Variants in ZFAND3 observed in about 807,000 individuals in gnomAD.
ZFAND3 encodes the protein zinc finger AN1-type containing 3, also known as AN1-type zinc finger protein 3.
Under a neutral mutation model 29.6 loss-of-function variants are expected in ZFAND3, and 10 were observed. That is an observed-to-expected ratio of 0.34 (90% CI 0.21 to 0.57). The LOEUF is 0.57. Ranked by LOEUF, ZFAND3 falls within the 20% of genes least tolerant of loss-of-function variation. The pLI is 0.86. For missense variants in ZFAND3, 230 were observed against 304.5 expected, an observed-to-expected ratio of 0.76 and a Z score of 1.82; for synonymous variants, 128 against 112.6, an observed-to-expected ratio of 1.14 and a Z score of -0.87.
chr6:37,893,743 G>A (rs1481911086), intron 1 of ZFAND3, among the ~76,000 whole-genome samples: 1 of 152,004 alleles, frequency 6.6e-6, no homozygotes, highest in Non-Finnish European at 1.5e-5. Context: ...TAGTAGAGAC[G>A]TGGTTTTACC....
At chr6:38,013,829 A>G (rs933632502) in intron 2 of ZFAND3, among the ~76,000 whole-genome samples, 2 of 152,214 alleles carry the variant, frequency 1.3e-5, no homozygotes, top group South Asian at 2.1e-4. Flanking sequence ...TTTAAAAAAG[A>G]CACCCCATGT....
chr6:37,942,232 C>G (rs1452891249), intron 2 of ZFAND3, among the ~76,000 whole-genome samples: 1 of 151,858 alleles, frequency 6.6e-6, no homozygotes, highest in Non-Finnish European at 1.5e-5. Flanking sequence ...AACCCTTTGA[C>G]TCACAAAGAA....
At chr6:37,965,143 A>C (rs748363726) in intron 2 of ZFAND3, among the ~76,000 whole-genome samples, 17 of 152,224 alleles carry the variant, frequency 1.1e-4, no homozygotes, top group Non-Finnish European at 1.8e-4. Context: ...AATTGTAAAG[A>C]CATAAAATAT....
At chr6:38,002,135 T>A (rs1473688840) in intron 2 of ZFAND3, among the ~76,000 whole-genome samples, 2 of 152,240 alleles carry the variant, frequency 1.3e-5, no homozygotes, top group East Asian at 3.9e-4. Flanking sequence ...ATACTATAAA[T>A]ATTCATGCGT....
intron 2 of ZFAND3, among the ~76,000 whole-genome samples, chr6:38,043,521 T>C (rs982779526): frequency 1.4e-5 from 2 of 147,792 alleles, no homozygotes; most frequent in South Asian, 2.3e-4. Context: ...CCTCCCTCTC[T>C]CCTTTTCTCC....
At chr6:38,054,878 G>A (rs1029859468) in intron 2 of ZFAND3, among the ~76,000 whole-genome samples, 2 of 152,166 alleles carry the variant, frequency 1.3e-5, no homozygotes, top group African/African-American at 2.4e-5. Context: ...TAATCAGAAG[G>A]CTAGAAGTCT....
At chr6:37,853,019 A>T (rs142248438) in intron 1 of ZFAND3, among the ~76,000 whole-genome samples, 4 of 152,334 alleles carry the variant, frequency 2.6e-5, no homozygotes, top group African/African-American at 9.6e-5. Context: ...AGAAGGTAAG[A>T]ATTGTGAAAA....
intron 1 of ZFAND3, among the ~76,000 whole-genome samples, chr6:37,924,493 C>T (rs1380501466): frequency 6.6e-6 from 1 of 151,794 alleles, no homozygotes; most frequent in African/African-American, 2.4e-5. Flanking sequence ...GGTGAGATAT[C>T]AAAGAATGAT....
rs16890181 is a variant in ZFAND3, at chr6:37,826,332, C to T, written c.71+6316C>T. Among the ~76,000 whole-genome samples, 2,223 of 152,252 alleles carry T rather than the reference C, an allele frequency of 0.015. 250 individuals carry two copies. The East Asian group carries it at 0.28, about 19-fold the overall frequency. ...ATGTTACTCAATTTTTCTAGGGTTT[C>T]TGAGGAACAGCGATCCTGCTCTGGG... On this transcript the variant is annotated intron_variant, in intron 1 of 5. Coordinates refer to ENST00000287218, the MANE Select transcript of ZFAND3 (RefSeq NM_021943.3).
intron 1 of ZFAND3, among the ~76,000 whole-genome samples, chr6:37,875,155 T>G (rs1173306215): frequency 6.6e-6 from 1 of 152,224 alleles, no homozygotes. Context: ...CTCAGACATT[T>G]AGAATTCAGG....
At chr6:37,881,302 T>C (rs1271284504) in intron 1 of ZFAND3, among the ~76,000 whole-genome samples, 2 of 152,200 alleles carry the variant, frequency 1.3e-5, no homozygotes, top group Admixed American at 1.3e-4. Context: ...ACCAGCCTGG[T>C]CTCGAACTCC....
intron 1 of ZFAND3, among the ~76,000 whole-genome samples, chr6:37,892,888 G>A (rs942555316): frequency 2.0e-5 from 3 of 152,124 alleles, no homozygotes; most frequent in Admixed American, 1.3e-4. Context: ...CTGAACTTCT[G>A]AAACAGACTC....
chr6:37,909,004 T>C (rs1021688147), intron 1 of ZFAND3, among the ~76,000 whole-genome samples: 4 of 152,172 alleles, frequency 2.6e-5, no homozygotes, highest in African/African-American at 9.6e-5. Context: ...CTTAGGTTTC[T>C]GTACTTGGGT....
At chr6:37,847,314 G>T (rs547541735) in intron 1 of ZFAND3, among the ~76,000 whole-genome samples, 12 of 152,012 alleles carry the variant, frequency 7.9e-5, no homozygotes, top group Non-Finnish European at 1.2e-4. Flanking sequence ...GGTTGCTCCC[G>T]CCTGTAATCC....
At chr6:37,936,706 A>C (rs1761704670) in intron 2 of ZFAND3, among the ~76,000 whole-genome samples, 1 of 152,234 alleles carries the variant, frequency 6.6e-6, no homozygotes, top group South Asian at 2.1e-4. Flanking sequence ...GGAGCTTTAA[A>C]TTTTAATTTT....
intron 2 of ZFAND3, among the ~76,000 whole-genome samples, chr6:38,036,317 C>T (rs576651028): frequency 5.3e-5 from 8 of 152,236 alleles, no homozygotes; most frequent in Non-Finnish European, 8.8e-5. Flanking sequence ...CTGCATACTG[C>T]AGGGTAAATA....
intron 4 of ZFAND3, among the ~76,000 whole-genome samples, chr6:38,113,796 T>C (rs1765364344): frequency 6.6e-6 from 1 of 152,268 alleles, no homozygotes; most frequent in South Asian, 2.1e-4. Flanking sequence ...GTCTTTATTT[T>C]TTCCCCCGGC....
intron 5 of ZFAND3, among the ~76,000 whole-genome samples, chr6:38,137,393 A>G (rs1765862591): frequency 2.0e-5 from 3 of 152,252 alleles, no homozygotes; most frequent in Admixed American, 1.3e-4. Flanking sequence ...TACTAGCATT[A>G]AATATTGCTA....
intron 3 of ZFAND3, among the ~76,000 whole-genome samples, chr6:38,068,010 G>A (rs1442200527): frequency 1.3e-5 from 2 of 152,150 alleles, no homozygotes; most frequent in African/African-American, 4.8e-5. Context: ...CTGCTAGGGA[G>A]GATTAATGGC....
Sources: allele counts gnomAD v4.1 joint callset (sites outside exome capture counted in the v4.1 genomes callset), GRCh38; gene constraint gnomAD v4.1.1; transcripts MANE v1.5; gene names NCBI Gene and HGNC (gene_info 2026-07-23, HGNC 2026-07-21).